The following PCDH15 variants were observed in gnomAD, a reference collection of about 807,000 sequenced individuals.
The protein encoded by PCDH15 is protocadherin-15.
In PCDH15, 129 loss-of-function variants were observed where a neutral mutation model predicts 178.5. The observed-to-expected ratio is 0.72, with a 90% CI of 0.63 to 0.84. The LOEUF (loss-of-function observed/expected upper bound fraction) is 0.84, where lower values mean the gene tolerates loss of function less well. PCDH15 is among the 40% of genes least tolerant of loss of function. The pLI is 0.00. For synonymous variants in PCDH15, 800 were observed against 732.0 expected (o/e 1.09, Z -1.50); for missense variants, 2,230 against 2,099.9 (o/e 1.06, Z -1.21).
chr10:55,038,879 A>T (rs1413078497), intron 2 of PCDH15, among the ~76,000 whole-genome samples: 2 of 152,178 alleles, frequency 1.3e-5, no homozygotes, highest in African/African-American at 4.8e-5. Flanking sequence ...AAATTCTCTG[A>T]CCTTAAATCA....
At chr10:53,971,136 C>T (rs900639388) in intron 21 of PCDH15, among the ~76,000 whole-genome samples, 17 of 152,182 alleles carry the variant, frequency 1.1e-4, no homozygotes, top group Middle Eastern at 6.8e-3. Context: ...GTTCAACATA[C>T]GCAAATCAAT....
intron 10 of PCDH15, among the ~76,000 whole-genome samples, chr10:54,200,027 G>A (rs2050070251): frequency 6.6e-6 from 1 of 152,072 alleles, no homozygotes; most frequent in African/African-American, 2.4e-5. Context: ...AGGAAATACT[G>A]ATAATTTCTG....
chr10:55,481,313 T>C (rs1840176272), intron 2 of PCDH15, among the ~76,000 whole-genome samples: 1 of 151,724 alleles, frequency 6.6e-6, no homozygotes, highest in African/African-American at 2.4e-5. Flanking sequence ...TTTTCAATGG[T>C]TTTTAGTGTC....
intron 3 of PCDH15, among the ~76,000 whole-genome samples, chr10:54,809,249 A>G (rs908079672): frequency 5.3e-5 from 8 of 152,156 alleles, no homozygotes; most frequent in Non-Finnish European, 8.8e-5. Context: ...TGTTAGTAAT[A>G]TCTTCCTAGA....
intron 1 of PCDH15, among the ~76,000 whole-genome samples, chr10:55,203,628 AG>A (rs1200172226): frequency 2.0e-5 from 3 of 152,070 alleles, no homozygotes; most frequent in African/African-American, 7.3e-5. Context: ...TGGGTCAGAG[AG>A]GGGCCATGGT....
chr10:55,240,395 C>A (rs748767515), intron 1 of PCDH15, among the ~76,000 whole-genome samples: 1 of 152,052 alleles, frequency 6.6e-6, no homozygotes, highest in Non-Finnish European at 1.5e-5. Context: ...AAATTATTGT[C>A]CATTTAAAAA....
intron 15 of PCDH15, among the ~76,000 whole-genome samples, chr10:54,119,522 T>C (rs958012064): frequency 3.3e-5 from 5 of 152,076 alleles, no homozygotes; most frequent in Non-Finnish European, 7.4e-5. Flanking sequence ...CTATTAATTA[T>C]TGGCATTTCT....
At chr10:54,480,521 C>A (rs1037159154) in intron 3 of PCDH15, among the ~76,000 whole-genome samples, 1 of 151,996 alleles carries the variant, frequency 6.6e-6, no homozygotes. Context: ...AAAATGCAAA[C>A]CATTCTACTT....
chr10:54,325,401 A>C (rs533050206), intron 7 of PCDH15, among the ~76,000 whole-genome samples: 1 of 152,250 alleles, frequency 6.6e-6, no homozygotes, highest in South Asian at 2.1e-4. Flanking sequence ...ACTTCAAGAT[A>C]ATATATTGGT....
intron 17 of PCDH15, among the ~76,000 whole-genome samples, chr10:54,075,716 T>A (rs750537579): frequency 6.6e-6 from 1 of 152,204 alleles, no homozygotes. Context: ...TTCGTTTGCA[T>A]GTAGAATGAT....
intron 3 of PCDH15, among the ~76,000 whole-genome samples, chr10:54,408,670 A>T (rs551625341): frequency 3.3e-5 from 5 of 152,276 alleles, no homozygotes; most frequent in South Asian, 4.1e-4. Context: ...TACTTAAAGG[A>T]TTCAATTGCA....
Position 54,674,837 on chromosome 10 carries a change from T to A in PCDH15, c.-28-10547A>T, listed in dbSNP as rs2094752633. Among the ~76,000 whole-genome samples, 4 of 152,064 alleles carry A rather than the reference T, an allele frequency of 2.6e-5. No homozygotes were observed. In the South Asian group the frequency reaches 8.3e-4, roughly 31 times the overall value. On this transcript the variant is annotated intron_variant, in intron 1 of 37. Coordinates refer to ENST00000644397, the MANE Select transcript of PCDH15 (RefSeq NM_001384140.1). Reference sequence around the variant, plus strand: ...ACTCATGTTGTCCAAGGGTCAATTGTGTGTAATTTTATAATTGTAAAACTC... The same window carrying A: ...ACTCATGTTGTCCAAGGGTCAATTGAGTGTAATTTTATAATTGTAAAACTC...
At chr10:54,880,107 C>T (rs1199126575) in intron 3 of PCDH15, among the ~76,000 whole-genome samples, 2 of 152,076 alleles carry the variant, frequency 1.3e-5, no homozygotes, top group South Asian at 4.1e-4. Flanking sequence ...TTATGAAATA[C>T]CTTGCATACT....
intron 13 of PCDH15, among the ~76,000 whole-genome samples, chr10:54,175,084 G>C (rs1485632627): frequency 6.6e-6 from 1 of 152,080 alleles, no homozygotes; most frequent in African/African-American, 2.4e-5. Flanking sequence ...CCACATTTTT[G>C]TAAGCTTTGC....
chr10:54,075,092 C>A (rs972099972), intron 17 of PCDH15, among the ~76,000 whole-genome samples: 5 of 151,950 alleles, frequency 3.3e-5, no homozygotes, highest in African/African-American at 7.3e-5. Flanking sequence ...TTAAAAAATT[C>A]TCGGGCTGGG....
At chr10:55,122,042 G>C (rs551744797) in intron 2 of PCDH15, among the ~76,000 whole-genome samples, 114 of 152,218 alleles carry the variant, frequency 7.5e-4, no homozygotes, top group African/African-American at 2.6e-3. Context: ...TGGAGGAATA[G>C]GAAAAAGAAG....
chr10:53,843,405 A>G (rs2077778448), intron 28 of PCDH15, among the ~76,000 whole-genome samples: 1 of 135,640 alleles, frequency 7.4e-6, no homozygotes. Flanking sequence ...CCTCACATAT[A>G]TACATATACC....
At position 53,827,495 on chromosome 10, in the gene PCDH15, G is replaced by A; in HGVS notation, c.4265C>T (p.Ala1422Val). The A allele has an allele frequency of 6.2e-7, 1 of 1,614,108 alleles. No individual in the cohort carries two copies. The highest frequency in any genetic ancestry group is 8.5e-7 in the Non-Finnish European group (1 of 1,179,964). The change falls in exon 32 of 38, where the codon GCT (alanine) becomes GTT (valine). Residue 1422 changes from alanine (A) to valine (V), a missense_variant. By Grantham distance (64) the Ala-to-Val change is moderately conservative. Transcript: ENST00000644397. ...TARIQAALPA[A>V]KPAVPAPAPV... ...TGCAGGAGCCGGCACTGCTGGTTTA[G>A]CCGCGGGTAATGCGGCCTGAATTCG...
chr10:54,567,520 C>T (rs1440872960), intron 2 of PCDH15, among the ~76,000 whole-genome samples: 1 of 151,976 alleles, frequency 6.6e-6, no homozygotes, highest in Non-Finnish European at 1.5e-5. Context: ...TCTTCCAAAC[C>T]ATTATGAAAT....
Sources: gnomAD v4.1 joint callset for allele counts (sites outside exome capture counted in the v4.1 genomes callset) on GRCh38, gnomAD v4.1.1 for gene constraint, MANE v1.5 for transcripts, NCBI Gene and HGNC (gene_info 2026-07-23, HGNC 2026-07-21) for gene names.